The following SPG11 variants were observed in gnomAD, a reference collection of about 807,000 sequenced individuals.
The protein encoded by SPG11 is SPG11 vesicle trafficking associated, spatacsin.
In SPG11, 222 loss-of-function variants were observed where a neutral mutation model predicts 274.0. That is an observed-to-expected ratio of 0.81 (90% CI 0.73 to 0.91). The LOEUF (loss-of-function observed/expected upper bound fraction) is 0.91, where lower values mean the gene tolerates loss of function less well. SPG11 is among the 40% of genes least tolerant of loss of function. SPG11 has a pLI of 0.00. For synonymous variants in SPG11, 1,144 were observed against 1,039.7 expected, an observed-to-expected ratio of 1.10 and a Z score of -1.93; for missense variants, 3,114 against 2,872.7, an observed-to-expected ratio of 1.08 and a Z score of -1.92.
chr15:44,573,621 A>T lies in SPG11; in HGVS notation c.6131T>A (p.Leu2044His). The T allele has an allele frequency of 6.2e-7, 1 of 1,614,172 alleles. No homozygotes were observed. The highest frequency in any genetic ancestry group is 8.5e-7 in the Non-Finnish European group (1 of 1,180,032). ...GAGTTCAGCCACAGTATCTGGCTTA[A>T]GGCCCTGTGTGCTGATGAAGGCCTG... ...RAQAFISTQG[L>H]KPDTVAELVA... Residue 2044 changes from leucine to histidine, a missense_variant, in exon 32 of 40, where the codon CTT becomes CAT. Physicochemically the swap from Leu to His is moderately conservative, Grantham distance 99. Transcript: ENST00000261866.
intron 7 of SPG11, 124 bp downstream of exon 7, chr15:44,648,742 A>G: frequency 9.0e-7 from 1 of 1,106,694 alleles, no homozygotes; most frequent in Non-Finnish European, 1.4e-6. Flanking sequence ...CTGTTTAAAT[A>G]GATATACAAA....
chr15:44,585,602 T>TTAAAAA (rs2082743595), intron 29 of SPG11, 34 bp downstream of exon 29: 11 of 1,194,684 alleles, frequency 9.2e-6, no homozygotes, highest in Non-Finnish European at 1.3e-5. Flanking sequence ...ACCCCGTATC[T>TTAAAAA]AAAAAAAAAA....
chr15:44,564,245 G>C (rs8041448), intron 39 of SPG11, among the ~76,000 whole-genome samples: 4 of 152,068 alleles, frequency 2.6e-5, no homozygotes, highest in African/African-American at 9.7e-5. Flanking sequence ...CTCCCGCCTC[G>C]GCCTCCCATA....
At chr15:44,610,563 A>G (rs1026459343) in intron 18 of SPG11, among the ~76,000 whole-genome samples, 1 of 151,048 alleles carries the variant, frequency 6.6e-6, no homozygotes, top group African/African-American at 2.4e-5. Context: ...TTTTTAGTAC[A>G]GATGGTGTTT....
chr15:44,648,950 C>T lies in SPG11; in HGVS notation c.1518G>A (p.Met506Ile). 4 of 1,613,994 alleles carry T rather than the reference C, an allele frequency of 2.5e-6. No homozygotes were observed. Among genetic ancestry groups the T allele is most frequent in the Non-Finnish European group, 3.4e-6 (4 of 1,179,888 alleles). Reference sequence around the variant, plus strand: ...CCACAGTGCTGGCACTTCCATGGATCATGAGTCTGTTTAAAAACTCTTCTT... The same window carrying T: ...CCACAGTGCTGGCACTTCCATGGATTATGAGTCTGTTTAAAAACTCTTCTT... ...LTQEEFLNRL[M>I]IHGSASTVDT... The change falls in exon 7 of 40, where the codon ATG becomes ATA. Residue 506 changes from methionine (M) to isoleucine (I), a missense_variant. By Grantham distance (10) the Met-to-Ile change is conservative. Transcript: ENST00000261866.
intron 26 of SPG11, among the ~76,000 whole-genome samples, chr15:44,594,345 G>A (rs1415349274): frequency 2.0e-5 from 3 of 151,916 alleles, no homozygotes; most frequent in African/African-American, 7.2e-5. Flanking sequence ...AGAATTGCTT[G>A]AACTCGGGAG....
In SPG11 at chr15:44,615,378, T is replaced by C. The variant is rs776158206; in HGVS notation, c.3023A>G (p.Tyr1008Cys). 9 of 1,613,792 alleles carry C rather than the reference T, an allele frequency of 5.6e-6. No homozygotes were observed. The highest frequency in any genetic ancestry group is 1.7e-5 in the Admixed American group (1 of 60,020). Residue 1008 changes from tyrosine to cysteine, a missense_variant, in exon 16 of 40, where the codon TAC becomes TGC. Tyr to Cys is a radical substitution (Grantham distance 194). Transcript: ENST00000261866. ...EHSLQHLLYV[Y>C]LDCYKLSPEN... ...CAGTACTCACTTGTAACAGTCAAGG[T>C]AGACATAAAGAAGATGCTGCAGACT...
chr15:44,631,490 T>C (rs964868152), intron 8 of SPG11, among the ~76,000 whole-genome samples: 2 of 152,144 alleles, frequency 1.3e-5, no homozygotes, highest in African/African-American at 2.4e-5. Flanking sequence ...GGAAAAGGTG[T>C]TCTAGTGAGC....
intron 26 of SPG11, among the ~76,000 whole-genome samples, chr15:44,594,050 G>A (rs1405536648): frequency 4.6e-5 from 7 of 150,952 alleles, no homozygotes; most frequent in African/African-American, 1.7e-4. Context: ...GATTACAGGT[G>A]TGAGCCACCG....
Position 44,565,859 on chromosome 15 carries a change from A to G in SPG11, c.6994T>C (p.Tyr2332His). The change falls in exon 38 of 40, where the codon TAC (tyrosine) becomes CAC (histidine). Residue 2332 changes from tyrosine to histidine, a missense_variant. Tyr to His is a moderately conservative substitution (Grantham distance 83). Transcript: ENST00000261866. ...MDCILALPRF[Y>H]QASIVAEAYD... ...CAGTTTGCTTTCTTGCTCACCTGGT[A>G]GAACCGAGGTAGGGCCAGAATACAG... 6.2e-7 allele frequency: 1 copy of G among 1,614,112 alleles called. No individual in the cohort carries two copies. The highest frequency in any genetic ancestry group is 8.5e-7 in the Non-Finnish European group (1 of 1,180,026).
Position 44,600,414 on chromosome 15 carries a change from G to C in SPG11, c.3686+53C>G, listed in dbSNP as rs75969633. ...ATCCTCCTGCTTCCCAAAGTGCTGG[G>C]ATTACAGGTGTGAACCACTGTACCC... On this transcript the variant is annotated intron_variant, in intron 21 of 39. Transcript: ENST00000261866. 5.0e-3 allele frequency: 7,935 copies of C among 1,594,574 alleles called. 22 individuals are homozygous for C. Among genetic ancestry groups the C allele is most frequent in the Non-Finnish European group, 6.3e-3 (7,270 of 1,163,158 alleles).
At chr15:44,639,755 C>G (rs189665046) in intron 7 of SPG11, among the ~76,000 whole-genome samples, 1 of 151,472 alleles carries the variant, frequency 6.6e-6, no homozygotes, top group Admixed American at 6.6e-5. Flanking sequence ...TGAAAGAAAA[C>G]TATATTATTC....
intron 35 of SPG11, 32 bp downstream of exon 35, chr15:44,569,366 C>T (rs1372722448): frequency 3.5e-6 from 5 of 1,437,620 alleles, no homozygotes; most frequent in Middle Eastern, 3.5e-4. Context: ...CAGCAGTACA[C>T]CCCATCCTGG....
At chr15:44,660,191 C>CA (rs1211817858) in intron 2 of SPG11, among the ~76,000 whole-genome samples, 5 of 152,040 alleles carry the variant, frequency 3.3e-5, no homozygotes, top group East Asian at 1.9e-4. Flanking sequence ...TAATTAAATA[C>CA]AAAAAATTGA....
chr15:44,575,179 G>A (rs1427236132), intron 30 of SPG11, 138 bp from the exon 31 acceptor site: 1 of 1,051,274 alleles, frequency 9.5e-7, no homozygotes, highest in Non-Finnish European at 1.4e-6. Context: ...GACCACTGCT[G>A]ACAGGGCCCC....
chr15:44,583,653 T>C (rs1416441098), intron 30 of SPG11, among the ~76,000 whole-genome samples, 161 bp downstream of exon 30: 1 of 152,214 alleles, frequency 6.6e-6, no homozygotes, highest in East Asian at 1.9e-4. Context: ...GATCTTTCTA[T>C]TTCATTGCCT....
intron 27 of SPG11, 47 bp downstream of exon 27, chr15:44,592,284 C>G: frequency 8.4e-7 from 1 of 1,185,934 alleles, no homozygotes; most frequent in Middle Eastern, 1.9e-4. Context: ...CCATGCATGC[C>G]AACCAAGTGC....
intron 23 of SPG11, 130 bp downstream of exon 23, chr15:44,598,135 T>C (rs2083090748): frequency 1.4e-6 from 1 of 695,280 alleles, no homozygotes; most frequent in Non-Finnish European, 2.6e-6. Context: ...TGCTACATGC[T>C]AGATAAAGAA....
In SPG11 at chr15:44,569,571, C is replaced by T. The variant is rs535861507; in HGVS notation, c.6478-66G>A. The T allele has an allele frequency of 1.8e-5, 22 of 1,241,266 alleles. No homozygotes were observed. In the African/African-American group the frequency reaches 3.1e-4, roughly 18 times the overall value. The allele number at this position is 1,241,266 out of a possible 1,614,324, so 76.9% of individuals were successfully genotyped here. A position where few individuals can be genotyped will look rare whatever the true frequency, so the allele number is the denominator to read the frequency against. On this transcript the variant is annotated intron_variant, in intron 34 of 39. Coordinates refer to ENST00000261866, the MANE Select transcript of SPG11 (RefSeq NM_025137.4). ...GTCTGGAGTTCTCTGAGCCAGACAA[C>T]TACCATCAGTGGTTGCTTTCAGATG...
Sources: gnomAD v4.1 joint callset for allele counts (sites outside exome capture counted in the v4.1 genomes callset) on GRCh38, gnomAD v4.1.1 for gene constraint, MANE v1.5 for transcripts, NCBI Gene and HGNC (gene_info 2026-07-23, HGNC 2026-07-21) for gene names.